UBE2D3: variants seen among roughly 807,000 people sequenced by gnomAD.
UBE2D3 encodes ubiquitin-conjugating enzyme E2 D3.
A neutral mutation model predicts 22.8 loss-of-function variants in UBE2D3; 2 were observed. That is an observed-to-expected ratio of 0.09 (90% CI 0.04 to 0.28). UBE2D3 has a LOEUF of 0.28. Among genes scored for constraint, UBE2D3 ranks in the 10% least tolerant of loss-of-function variants. The pLI, the probability that UBE2D3 is intolerant of heterozygous loss-of-function variation, is 1.00. For missense variants in UBE2D3, 27 were observed against 182.5 expected (o/e 0.15, Z 4.91); for synonymous variants, 56 against 60.4 (o/e 0.93, Z 0.34).
chr4:102,855,807 C>T (rs1160957299), intron 1 of UBE2D3, among the ~76,000 whole-genome samples: 3 of 151,688 alleles, frequency 2.0e-5, no homozygotes, highest in Non-Finnish European at 4.4e-5. Flanking sequence ...TAATTTTGTT[C>T]ATGTGGGACA....
chr4:102,809,103 T>C (rs1049198571), intron 4 of UBE2D3: 1 of 263,528 alleles, frequency 3.8e-6, no homozygotes. Flanking sequence ...TTCTCTGAAA[T>C]TCTTAGATGG....
At chr4:102,839,714 A>G (rs552559570) in intron 1 of UBE2D3, among the ~76,000 whole-genome samples, 1 of 152,332 alleles carries the variant, frequency 6.6e-6, no homozygotes, top group East Asian at 1.9e-4. Flanking sequence ...AAACAGGTAA[A>G]CCACTTCAGG....
In UBE2D3 at chr4:102,827,407, C is replaced by G; in HGVS notation, c.-129+20G>C. On this transcript the variant is annotated intron_variant, in intron 1 of 7. Coordinates refer to ENST00000453744, the MANE Select transcript of UBE2D3 (RefSeq NM_181891.3). ...GGCCGGCCTCCCTTCCCTGCCCTAGCCGTCCACACCCACGCGTACAGAGGG... is the reference window on the plus strand; with the variant it reads ...GGCCGGCCTCCCTTCCCTGCCCTAGGCGTCCACACCCACGCGTACAGAGGG... 1 of 986,110 alleles carries G rather than the reference C, an allele frequency of 1.0e-6. No individual in the cohort carries two copies. The highest frequency in any genetic ancestry group is 1.2e-6 in the Non-Finnish European group (1 of 830,114). 61.1% of individuals were successfully genotyped at this position (986,110 alleles called of 1,614,324 possible).
chr4:102,800,909 G>T (rs1321471405), intron 6 of UBE2D3, among the ~76,000 whole-genome samples: 1 of 151,990 alleles, frequency 6.6e-6, no homozygotes, highest in African/African-American at 2.4e-5. Context: ...TAACGTAACA[G>T]ATACCTATTA....
intron 1 of UBE2D3, among the ~76,000 whole-genome samples, chr4:102,859,173 T>C (rs1732763500): frequency 6.6e-6 from 1 of 151,944 alleles, no homozygotes; most frequent in Admixed American, 6.6e-5. Flanking sequence ...GACAGCTTTG[T>C]GGGTAAATTA....
chr4:102,850,193 G>C (rs573118900), intron 1 of UBE2D3, among the ~76,000 whole-genome samples: 53 of 151,936 alleles, frequency 3.5e-4, no homozygotes, highest in Non-Finnish European at 8.8e-5. Context: ...CTCAAAACTA[G>C]GCAAAAATGA....
At chr4:102,820,755 A>AC (rs1174235398) in intron 2 of UBE2D3, among the ~76,000 whole-genome samples, 1 of 152,174 alleles carries the variant, frequency 6.6e-6, no homozygotes, top group Non-Finnish European at 1.5e-5. Flanking sequence ...AACAAAAAAA[A>AC]CAAAGATTAA....
chr4:102,828,189 A>G (rs1239342478), upstream of UBE2D3: 1 of 985,468 alleles, frequency 1.0e-6, no homozygotes. Context: ...CAGACTGGTA[A>G]GAGCGCGCGC....
At chr4:102,823,241 C>A (rs72931866) in intron 2 of UBE2D3, among the ~76,000 whole-genome samples, 266 of 152,250 alleles carry the variant, frequency 1.7e-3, no homozygotes, top group African/African-American at 6.2e-3. Context: ...TTGTTAAGAG[C>A]ACATACTCTG....
At chr4:102,853,135 ATTTTTTTTTTT>A (rs151339235) in intron 1 of UBE2D3, among the ~76,000 whole-genome samples, 2 of 88,606 alleles carry the variant, frequency 2.3e-5, no homozygotes, top group South Asian at 3.8e-4. Context: ...AAACACACAC[ATTTTTTTTTTT>A]TTTTTTTTTT....
chr4:102,808,520 TTTGA>T (rs565874105), intron 4 of UBE2D3, among the ~76,000 whole-genome samples: 267 of 152,328 alleles, frequency 1.8e-3, no homozygotes, highest in African/African-American at 6.2e-3. Flanking sequence ...CATGTCTTAC[TTTGA>T]TTTAGTTTTT....
intron 4 of UBE2D3, among the ~76,000 whole-genome samples, chr4:102,805,794 C>T (rs385083): frequency 6.6e-6 from 1 of 151,644 alleles, no homozygotes; most frequent in Non-Finnish European, 1.5e-5. Context: ...ACTTGGATAT[C>T]TCTACTTGGA....
At chr4:102,844,539 A>C (rs1206430073) in intron 1 of UBE2D3, among the ~76,000 whole-genome samples, 1 of 152,202 alleles carries the variant, frequency 6.6e-6, no homozygotes, top group Non-Finnish European at 1.5e-5. Flanking sequence ...TAAAAGATAC[A>C]TATTACCACT....
intron 2 of UBE2D3, chr4:102,819,651 T>C (rs1729278770): frequency 1.0e-6 from 1 of 964,258 alleles, no homozygotes; most frequent in East Asian, 1.1e-4. Context: ...AAAGCCTATA[T>C]AGTGGCAAGG....
chr4:102,832,151 A>C (rs563096025), upstream of UBE2D3, among the ~76,000 whole-genome samples: 1 of 152,294 alleles, frequency 6.6e-6, no homozygotes, highest in African/African-American at 2.4e-5. Flanking sequence ...GAGTTGTATT[A>C]AAACAAATGA....
At chr4:102,809,939 C>T in intron 2 of UBE2D3, 84 bp from the exon 3 acceptor site, 3 of 1,387,054 alleles carry the variant, frequency 2.2e-6, no homozygotes, top group Non-Finnish European at 3.1e-6. Context: ...CAGTTACTTT[C>T]ACCCTATTTT....
intron 2 of UBE2D3, among the ~76,000 whole-genome samples, chr4:102,819,195 TG>T (rs1044102030): frequency 1.3e-5 from 2 of 152,058 alleles, no homozygotes; most frequent in African/African-American, 4.8e-5. Context: ...CCGGGCATGA[TG>T]GCGGGTGCCT....
At chr4:102,822,792 C>CTCTACTAAAAAAACAAAAAAATTAGCT (rs1553963795) in intron 2 of UBE2D3, among the ~76,000 whole-genome samples, 1 of 152,000 alleles carries the variant, frequency 6.6e-6, no homozygotes, top group Non-Finnish European at 1.5e-5. Flanking sequence ...AAAAATTAGC[C>CTCTACTAAAAAAACAAAAAAATTAGCT]GGGGGTGGTG....
intron 1 of UBE2D3, among the ~76,000 whole-genome samples, chr4:102,836,843 C>G (rs1014719960): frequency 6.6e-6 from 1 of 152,134 alleles, no homozygotes; most frequent in Non-Finnish European, 1.5e-5. Context: ...GTATTTTTCC[C>G]CATTGTTCAT....
Sources: gnomAD v4.1 joint callset for allele counts (sites outside exome capture counted in the v4.1 genomes callset) on GRCh38, gnomAD v4.1.1 for gene constraint, MANE v1.5 for transcripts, NCBI Gene and HGNC (gene_info 2026-07-23, HGNC 2026-07-21) for gene names.